Variants in ACVR2A observed in about 807,000 individuals in gnomAD.
The protein encoded by ACVR2A is activin receptor type-2A.
ACVR2A carries 7 observed loss-of-function variants against 61.4 expected under a neutral mutation model. That is an observed-to-expected ratio of 0.11 (90% CI 0.06 to 0.21). ACVR2A has a LOEUF of 0.21. Among genes scored for constraint, ACVR2A ranks in the 10% least tolerant of loss-of-function variants. ACVR2A has a pLI of 1.00. For missense variants in ACVR2A, 322 were observed against 621.7 expected, an observed-to-expected ratio of 0.52 and a Z score of 5.13; for synonymous variants, 193 against 208.3, an observed-to-expected ratio of 0.93 and a Z score of 0.63.
At chr2:147,882,106 A>C (rs1686317340) in intron 1 of ACVR2A, among the ~76,000 whole-genome samples, 1 of 152,226 alleles carries the variant, frequency 6.6e-6, no homozygotes, top group Non-Finnish European at 1.5e-5. Context: ...TGAGAAATTG[A>C]TTGAGTTATT....
intron 7 of ACVR2A, among the ~76,000 whole-genome samples, chr2:147,919,508 G>C (rs1687330155): frequency 6.6e-6 from 1 of 152,074 alleles, no homozygotes. Context: ...GTCTGCTTGT[G>C]CTTTCAGTAT....
intron 4 of ACVR2A, among the ~76,000 whole-genome samples, chr2:147,903,107 G>A (rs1686908940): frequency 6.6e-6 from 1 of 151,860 alleles, no homozygotes; most frequent in Non-Finnish European, 1.5e-5. Flanking sequence ...GGTTGTGTTA[G>A]TATTTTGTTC....
intron 1 of ACVR2A, among the ~76,000 whole-genome samples, chr2:147,866,979 A>AAG (rs1024219126): frequency 5.8e-4 from 88 of 152,296 alleles, no homozygotes; most frequent in African/African-American, 2.0e-3. Flanking sequence ...GAAGTTAAGG[A>AAG]AGAGCTTGTA....
chr2:147,899,378 T>C (rs552813462), intron 2 of ACVR2A, 80 bp from the exon 3 acceptor site: 1 of 903,128 alleles, frequency 1.1e-6, no homozygotes, highest in Admixed American at 2.9e-5. Flanking sequence ...ATTTATTATT[T>C]TATTGCAGAA....
chr2:147,853,147 A>G (rs1213629289), intron 1 of ACVR2A, among the ~76,000 whole-genome samples: 6 of 152,162 alleles, frequency 3.9e-5, no homozygotes, highest in East Asian at 1.9e-4. Flanking sequence ...AAGTGCCTTC[A>G]TAACTAAAAA....
chr2:147,920,129 A>T (rs1687344857), intron 7 of ACVR2A, 101 bp from the exon 8 acceptor site: 1 of 730,068 alleles, frequency 1.4e-6, no homozygotes, highest in Non-Finnish European at 2.3e-6. Flanking sequence ...TTAAGTAACT[A>T]TTTTTTCATA....
intron 1 of ACVR2A, among the ~76,000 whole-genome samples, chr2:147,846,707 G>A (rs1431298212): frequency 6.6e-6 from 1 of 152,132 alleles, no homozygotes; most frequent in Admixed American, 6.5e-5. Context: ...AATGAATGAA[G>A]GCCTTGATAA....
chr2:147,899,378 T>A, intron 2 of ACVR2A, 80 bp from the exon 3 acceptor site: 1 of 903,128 alleles, frequency 1.1e-6, no homozygotes, highest in Non-Finnish European at 1.6e-6. Flanking sequence ...ATTTATTATT[T>A]TATTGCAGAA....
intron 1 of ACVR2A, among the ~76,000 whole-genome samples, chr2:147,875,343 A>T (rs919023295): frequency 2.0e-5 from 3 of 152,022 alleles, no homozygotes; most frequent in African/African-American, 7.2e-5. Flanking sequence ...GATAAAATAC[A>T]ATCTCCCATT....
At chr2:147,895,904 CCTT>C (rs146521638) in intron 1 of ACVR2A, among the ~76,000 whole-genome samples, 512 of 152,174 alleles carry the variant, frequency 3.4e-3, no homozygotes, top group East Asian at 8.3e-3. Flanking sequence ...AGCCAGTGAT[CCTT>C]ACCCCTGAGT....
chr2:147,866,382 T>G (rs1685855823), intron 1 of ACVR2A, among the ~76,000 whole-genome samples: 1 of 152,192 alleles, frequency 6.6e-6, no homozygotes, highest in Non-Finnish European at 1.5e-5. Flanking sequence ...TTTGATTTGT[T>G]AAATCTGGAG....
intron 1 of ACVR2A, among the ~76,000 whole-genome samples, chr2:147,890,341 A>T (rs1390575060): frequency 1.3e-5 from 2 of 148,840 alleles, no homozygotes; most frequent in Non-Finnish European, 3.0e-5. Context: ...CCATTAGTAT[A>T]GTGTGTGTGT....
intron 1 of ACVR2A, among the ~76,000 whole-genome samples, chr2:147,851,991 A>G (rs1030565843): frequency 2.6e-5 from 4 of 152,030 alleles, no homozygotes; most frequent in African/African-American, 9.7e-5. Context: ...ATGGTTCTAT[A>G]ATTTTAAGGT....
chr2:147,875,349 C>T (rs1336902373), intron 1 of ACVR2A, among the ~76,000 whole-genome samples: 3 of 151,936 alleles, frequency 2.0e-5, no homozygotes, highest in Admixed American at 6.6e-5. Flanking sequence ...ATACAATCTC[C>T]CATTTTCTCC....
In ACVR2A at chr2:147,928,502, T is replaced by TAAAG. The variant is rs1212272895; in HGVS notation, c.*1230_*1233dup. ...TGATATGTAAAGAATTATCCTAGGA[T>TAAAG]AAAGATATTAAACTTTAAGCAGATT... On this transcript the variant is annotated 3_prime_UTR_variant, in exon 11 of 11. Coordinates refer to ENST00000241416, the MANE Select transcript of ACVR2A (RefSeq NM_001616.5). 2.0e-5 allele frequency: 3 copies of TAAAG among 152,314 alleles called. No individual in the cohort carries two copies. In the East Asian group the frequency reaches 5.8e-4, roughly 29 times the overall value. The allele number at this position is 152,314 out of a possible 1,614,324, so 9.4% of individuals were successfully genotyped here.
chr2:147,884,904 C>T (rs992442697), intron 1 of ACVR2A, among the ~76,000 whole-genome samples: 36 of 152,118 alleles, frequency 2.4e-4, no homozygotes, highest in African/African-American at 8.4e-4. Context: ...TTCCAAACCT[C>T]TCCTGGCTAT....
At chr2:147,904,753 GT>G (rs1450817998) in intron 4 of ACVR2A, among the ~76,000 whole-genome samples, 22 of 151,976 alleles carry the variant, frequency 1.4e-4, no homozygotes, top group African/African-American at 4.8e-4. Context: ...TTGAACATGA[GT>G]TTATGTATTT....
chr2:147,847,687 C>G (rs1685347195), intron 1 of ACVR2A, among the ~76,000 whole-genome samples: 1 of 152,188 alleles, frequency 6.6e-6, no homozygotes, highest in Admixed American at 6.5e-5. Flanking sequence ...TTCCTCCTCT[C>G]TCTCATTCCA....
chr2:147,875,471 A>G (rs1392136594), intron 1 of ACVR2A, among the ~76,000 whole-genome samples: 4 of 152,006 alleles, frequency 2.6e-5, no homozygotes, highest in Non-Finnish European at 5.9e-5. Flanking sequence ...AACTAATAGA[A>G]TCTCTTTTTT....
Sources: allele counts gnomAD v4.1 joint callset (sites outside exome capture counted in the v4.1 genomes callset), GRCh38; gene constraint gnomAD v4.1.1; transcripts MANE v1.5; gene names NCBI Gene and HGNC (gene_info 2026-07-23, HGNC 2026-07-21).